MYO3B: variants seen among roughly 807,000 people sequenced by gnomAD.
MYO3B encodes myosin-IIIb.
In MYO3B, 156 loss-of-function variants were observed where a neutral mutation model predicts 174.6. The ratio of observed to expected loss-of-function variants is 0.89; its 90% confidence interval spans 0.78 to 1.02. MYO3B has a LOEUF of 1.02. MYO3B is among the 50% of genes least tolerant of loss of function. The pLI, the probability that MYO3B is intolerant of heterozygous loss-of-function variation, is 0.00. For synonymous variants in MYO3B, 563 were observed against 569.1 expected (o/e 0.99, Z 0.15); for missense variants, 1,632 against 1,639.4 (o/e 1.00, Z 0.08).
At chr2:170,646,809 A>G (rs2105469730) in intron 32 of MYO3B, 1 of 671,494 alleles carries the variant, frequency 1.5e-6, no homozygotes, top group Non-Finnish European at 2.4e-6. Context: ...GAATTAATAG[A>G]GAAGCAGTAA....
At chr2:170,216,889 G>GAA (rs34018697) in intron 5 of MYO3B, among the ~76,000 whole-genome samples, 1 of 150,178 alleles carries the variant, frequency 6.7e-6, no homozygotes, top group African/African-American at 2.4e-5. Context: ...GTCCATTAGG[G>GAA]AAAAAAAAAA....
intron 25 of MYO3B, among the ~76,000 whole-genome samples, chr2:170,489,398 A>C (rs375213167): frequency 1.8e-4 from 28 of 152,280 alleles, no homozygotes; most frequent in African/African-American, 6.0e-4. Flanking sequence ...CTAGATCCCC[A>C]GTGTGCGGTG....
intron 32 of MYO3B, among the ~76,000 whole-genome samples, chr2:170,600,517 A>T (rs1339399796): frequency 1.3e-5 from 2 of 152,190 alleles, no homozygotes; most frequent in Admixed American, 6.5e-5. Flanking sequence ...GGGGCAAACC[A>T]TAATATGGGA....
intron 23 of MYO3B, among the ~76,000 whole-genome samples, chr2:170,448,340 A>G (rs1337775488): frequency 1.3e-5 from 2 of 152,204 alleles, no homozygotes; most frequent in Non-Finnish European, 2.9e-5. Flanking sequence ...CTCAGTTACA[A>G]TTTTTGTAAA....
chr2:170,214,948 G>C (rs1274058653), intron 5 of MYO3B, 120 bp downstream of exon 5: 15 of 717,586 alleles, frequency 2.1e-5, no homozygotes, highest in Non-Finnish European at 3.1e-5. Context: ...GACTTTTCCA[G>C]TCAAACACAA....
intron 22 of MYO3B, among the ~76,000 whole-genome samples, chr2:170,424,149 T>C (rs1468291045): frequency 6.6e-6 from 1 of 152,226 alleles, no homozygotes; most frequent in African/African-American, 2.4e-5. Context: ...AGATCCTTTT[T>C]GTGAGAAGCA....
chr2:170,486,492 C>T (rs940105736), intron 25 of MYO3B, among the ~76,000 whole-genome samples: 8 of 151,910 alleles, frequency 5.3e-5, no homozygotes, highest in Non-Finnish European at 5.9e-5. Flanking sequence ...TTAGTAGAGA[C>T]GGGGTTTCTC....
At chr2:170,407,266 C>T (rs922238204) in intron 21 of MYO3B, among the ~76,000 whole-genome samples, 27 of 126,144 alleles carry the variant, frequency 2.1e-4, no homozygotes, top group Non-Finnish European at 4.5e-4. Context: ...TCAAGACCAT[C>T]CTGGCTAACA....
chr2:170,279,713 C>T (rs1356189954), intron 7 of MYO3B, among the ~76,000 whole-genome samples: 1 of 152,086 alleles, frequency 6.6e-6, no homozygotes, highest in African/African-American at 2.4e-5. Context: ...CGAGAACATG[C>T]AGTATTTGGT....
intron 15 of MYO3B, 52 bp downstream of exon 15, chr2:170,391,670 G>A: frequency 6.5e-6 from 7 of 1,069,640 alleles, no homozygotes; most frequent in Non-Finnish European, 8.3e-6. Flanking sequence ...ACGATTAGCA[G>A]TTGACAAACT....
intron 7 of MYO3B, among the ~76,000 whole-genome samples, chr2:170,281,773 A>G (rs988151089): frequency 5.3e-5 from 8 of 152,332 alleles, no homozygotes; most frequent in South Asian, 2.1e-4. Flanking sequence ...CAAAAGATCA[A>G]TGAATCCAGG....
chr2:170,463,153 T>C (rs1684411622), intron 23 of MYO3B, among the ~76,000 whole-genome samples: 1 of 152,356 alleles, frequency 6.6e-6, no homozygotes, highest in Non-Finnish European at 1.5e-5. Context: ...AACCACATGG[T>C]ATTTTATAGA....
intron 5 of MYO3B, among the ~76,000 whole-genome samples, chr2:170,215,125 G>A (rs1014400882): frequency 3.9e-5 from 6 of 152,162 alleles, no homozygotes. Context: ...ACATCTCAGG[G>A]CAATTGTCTA....
intron 25 of MYO3B, among the ~76,000 whole-genome samples, chr2:170,470,974 TTCTC>T (rs920278995): frequency 4.8e-4 from 73 of 151,824 alleles, no homozygotes; most frequent in African/African-American, 1.4e-3. Flanking sequence ...TGCAAATATT[TTCTC>T]TCTCTCTCTC....
At chr2:170,357,166 G>T (rs1273624764) in intron 8 of MYO3B, among the ~76,000 whole-genome samples, 2 of 151,732 alleles carry the variant, frequency 1.3e-5, no homozygotes, top group Non-Finnish European at 2.9e-5. Context: ...AATTAGCTGG[G>T]CATTGTGGCA....
intron 32 of MYO3B, among the ~76,000 whole-genome samples, chr2:170,642,224 C>G (rs528451656): frequency 6.6e-6 from 1 of 152,232 alleles, no homozygotes; most frequent in East Asian, 1.9e-4. Context: ...TTCATTCATT[C>G]GTCATTTGTT....
chr2:170,208,059 A>G (rs1464009891), intron 3 of MYO3B, among the ~76,000 whole-genome samples: 1 of 152,202 alleles, frequency 6.6e-6, no homozygotes, highest in African/African-American at 2.4e-5. Flanking sequence ...CACGGGTAGT[A>G]TCATGACCTT....
chr2:170,568,453 G>A (rs944364596), intron 32 of MYO3B, among the ~76,000 whole-genome samples: 15 of 152,210 alleles, frequency 9.9e-5, no homozygotes, highest in African/African-American at 7.2e-5. Flanking sequence ...GGCATATGGA[G>A]CGTTTGATTT....
At chr2:170,270,129 T>G (rs2093415422) in intron 7 of MYO3B, among the ~76,000 whole-genome samples, 1 of 152,218 alleles carries the variant, frequency 6.6e-6, no homozygotes, top group Non-Finnish European at 1.5e-5. Context: ...ATACATCAAA[T>G]GGTTAACAGT....
Sources: gnomAD v4.1 joint callset for allele counts (sites outside exome capture counted in the v4.1 genomes callset) on GRCh38, gnomAD v4.1.1 for gene constraint, MANE v1.5 for transcripts, NCBI Gene and HGNC (gene_info 2026-07-23, HGNC 2026-07-21) for gene names.